Variants in RGS17 observed in about 807,000 individuals in gnomAD.
RGS17 encodes the protein regulator of G protein signaling 17.
In RGS17, 12 loss-of-function variants were observed where a neutral mutation model predicts 25.5. The observed-to-expected ratio is 0.47, with a 90% CI of 0.30 to 0.76. RGS17 has a LOEUF of 0.76. Ranked by LOEUF, RGS17 falls within the 30% of genes least tolerant of loss-of-function variation. RGS17 has a pLI of 0.07. For synonymous variants in RGS17, 71 were observed against 76.9 expected (o/e 0.92, Z 0.40); for missense variants, 196 against 242.2 (o/e 0.81, Z 1.27).
At chr6:153,036,247 C>G (rs550896908) in intron 2 of RGS17, among the ~76,000 whole-genome samples, 1 of 152,128 alleles carries the variant, frequency 6.6e-6, no homozygotes, top group East Asian at 1.9e-4. Context: ...GAGATGGGGA[C>G]TCACTATGTT....
At position 153,054,108 on chromosome 6, in the gene RGS17, ATATATGTG is replaced by A. The variant is rs1275101926; in HGVS notation, c.-25-10073_-25-10066del. On this transcript the variant is annotated intron_variant, in intron 1 of 4. Transcript: ENST00000206262. ...CAATATTTTTTATATATATATATAT[ATATATGTG>A]TATATATATATATATACAGCTTTAT... Among the ~76,000 whole-genome samples the A allele has an allele frequency of 7.9e-3, 833 of 105,426 alleles. 103 individuals carry two copies. The highest frequency in any genetic ancestry group is 0.021 in the African/African-American group (544 of 26,444). 69.2% of individuals were successfully genotyped at this position (105,426 alleles called of 152,430 possible). A position where few individuals can be genotyped will look rare whatever the true frequency, so the allele number is the denominator to read the frequency against.
At chr6:153,040,799 T>C (rs1416844449) in intron 2 of RGS17, among the ~76,000 whole-genome samples, 1 of 152,012 alleles carries the variant, frequency 6.6e-6, no homozygotes, top group Non-Finnish European at 1.5e-5. Context: ...TCATTTGCAA[T>C]AAGACAATAT....
chr6:153,067,698 T>C (rs1460799015), intron 1 of RGS17, among the ~76,000 whole-genome samples: 4 of 152,138 alleles, frequency 2.6e-5, no homozygotes, highest in Non-Finnish European at 5.9e-5. Context: ...TGTCCATGGA[T>C]TGGAAGAATC....
At chr6:153,061,961 A>G (rs1038213758) in intron 1 of RGS17, among the ~76,000 whole-genome samples, 1 of 152,212 alleles carries the variant, frequency 6.6e-6, no homozygotes, top group Non-Finnish European at 1.5e-5. Context: ...GCTGATATCT[A>G]TACGAAAGAT....
chr6:153,089,887 T>C (rs898471983), intron 1 of RGS17, among the ~76,000 whole-genome samples: 2 of 152,176 alleles, frequency 1.3e-5, no homozygotes, highest in Admixed American at 6.5e-5. Context: ...AAATGTGTTA[T>C]GAATATTTTT....
intron 1 of RGS17, among the ~76,000 whole-genome samples, chr6:153,107,248 G>A (rs547115408): frequency 2.1e-4 from 32 of 152,058 alleles, no homozygotes; most frequent in Middle Eastern, 3.4e-3. Context: ...CAGGAGAATC[G>A]CTTGAACCCG....
intron 1 of RGS17, among the ~76,000 whole-genome samples, chr6:153,054,092 T>TATATATATATGTGTA (rs1393844507): frequency 2.4e-5 from 1 of 42,102 alleles, no homozygotes; most frequent in African/African-American, 1.2e-4. Flanking sequence ...ACAATATTTT[T>TATATATATATGTGTA]TATATATATA....
chr6:153,077,482 T>C (rs182117862), intron 1 of RGS17, among the ~76,000 whole-genome samples: 4 of 152,344 alleles, frequency 2.6e-5, no homozygotes, highest in Admixed American at 2.0e-4. Context: ...TATTCTTTGA[T>C]AATATATACT....
intron 1 of RGS17, among the ~76,000 whole-genome samples, chr6:153,046,684 A>C (rs1562319438): frequency 6.6e-6 from 1 of 152,110 alleles, no homozygotes; most frequent in Non-Finnish European, 1.5e-5. Flanking sequence ...TTCAGCAAAG[A>C]GTGAAGAAAA....
At chr6:153,015,811 GC>G (rs1779177387) in intron 4 of RGS17, among the ~76,000 whole-genome samples, 1 of 151,892 alleles carries the variant, frequency 6.6e-6, no homozygotes, top group Non-Finnish European at 1.5e-5. Context: ...CCGCCACCAC[GC>G]CCGGCTAATT....
chr6:153,106,558 T>C lies in RGS17; in HGVS notation c.-26+24566A>G, dbSNP rs1407234090. ...GGAGAATTCACTAAGTTCACTGTTT[T>C]GTAAGGCAACTGCTTTCACTGTTGA... On this transcript the variant is annotated intron_variant, in intron 1 of 4. Coordinates refer to ENST00000206262, the MANE Select transcript of RGS17 (RefSeq NM_012419.5). 3.9e-5 allele frequency among the ~76,000 whole-genome samples: 6 copies of C among 151,938 alleles called. No homozygotes were observed. In the East Asian group the frequency reaches 1.2e-3, roughly 30 times the overall value.
rs1448532258 is a variant in RGS17 at position 153,009,412 on chromosome 6, G to T, written c.*2162C>A. The T allele has an allele frequency of 6.6e-6, 1 of 151,738 alleles. No individual in the cohort carries two copies. The highest frequency in any genetic ancestry group is 1.5e-5 in the Non-Finnish European group (1 of 67,822). 9.4% of individuals were successfully genotyped at this position (151,738 alleles called of 1,614,324 possible). ...AGTAGCATAATAAACTCAATTCTAA[G>T]CAAGAAAAAAATTAAATAATTTAGG... On this transcript the variant is annotated 3_prime_UTR_variant, in exon 5 of 5. Coordinates refer to ENST00000206262, the MANE Select transcript of RGS17 (RefSeq NM_012419.5).
At chr6:153,031,415 A>G (rs763100464) in intron 2 of RGS17, among the ~76,000 whole-genome samples, 3 of 152,242 alleles carry the variant, frequency 2.0e-5, no homozygotes, top group Admixed American at 6.5e-5. Flanking sequence ...GAGTAAATAG[A>G]GACTTCTCCT....
intron 1 of RGS17, among the ~76,000 whole-genome samples, chr6:153,045,976 C>T (rs545433673): frequency 3.3e-5 from 5 of 151,964 alleles, no homozygotes; most frequent in South Asian, 2.1e-4. Flanking sequence ...AAAGAAAATG[C>T]GGTATATATA....
At chr6:153,129,117 C>T (rs1777747134) in intron 1 of RGS17, among the ~76,000 whole-genome samples, 1 of 152,200 alleles carries the variant, frequency 6.6e-6, no homozygotes, top group Non-Finnish European at 1.5e-5. Flanking sequence ...AGTAATACCA[C>T]TCAATCTTTT....
chr6:153,117,589 C>T (rs1051136840), intron 1 of RGS17, among the ~76,000 whole-genome samples: 2 of 152,230 alleles, frequency 1.3e-5, no homozygotes, highest in African/African-American at 4.8e-5. Context: ...AGTACTCCTG[C>T]ACCTTGTGAG....
chr6:153,045,984 A>G (rs1776380055), intron 1 of RGS17, among the ~76,000 whole-genome samples: 1 of 152,186 alleles, frequency 6.6e-6, no homozygotes, highest in Non-Finnish European at 1.5e-5. Context: ...TGCGGTATAT[A>G]TACATCATGG....
intron 2 of RGS17, among the ~76,000 whole-genome samples, chr6:153,033,113 T>A (rs1776175039): frequency 6.6e-6 from 1 of 152,194 alleles, no homozygotes; most frequent in South Asian, 2.1e-4. Flanking sequence ...CATTCTCTGA[T>A]TCTCTCTCTC....
intron 1 of RGS17, among the ~76,000 whole-genome samples, chr6:153,044,594 CT>C (rs1441199242): frequency 1.2e-4 from 18 of 152,178 alleles, no homozygotes; most frequent in Admixed American, 4.6e-4. Context: ...GAGGCCTAAC[CT>C]TAATAACATT....
Sources: allele counts gnomAD v4.1 joint callset (sites outside exome capture counted in the v4.1 genomes callset), GRCh38; gene constraint gnomAD v4.1.1; transcripts MANE v1.5; gene names NCBI Gene and HGNC (gene_info 2026-07-23, HGNC 2026-07-21).